RBFOX1: variants seen among roughly 807,000 people sequenced by gnomAD.
RBFOX1 encodes RNA binding fox-1 homolog 1, also known as RNA binding protein fox-1 homolog 1.
RBFOX1 carries 8 observed loss-of-function variants against 57.7 expected under a neutral mutation model. The ratio of observed to expected loss-of-function variants is 0.14; its 90% CI spans 0.08 to 0.25. The LOEUF (loss-of-function observed/expected upper bound fraction) is 0.25, where lower values mean the gene tolerates loss of function less well. Ranked by LOEUF, RBFOX1 falls within the 10% of genes least tolerant of loss-of-function variation. The probability of loss-of-function intolerance (pLI) is 1.00; values close to 1 mark genes in which losing one functional copy is unlikely to be tolerated. For synonymous variants in RBFOX1, 326 were observed against 222.4 expected (o/e 1.47, Z -4.15); for missense variants, 611 against 548.5 (o/e 1.11, Z -1.14).
chr16:6,864,218 C>A (rs1021880562), intron 3 of RBFOX1, among the ~76,000 whole-genome samples: 1 of 152,078 alleles, frequency 6.6e-6, no homozygotes, highest in Non-Finnish European at 1.5e-5. Flanking sequence ...TTCTATGTCA[C>A]TGTATTCCTA....
intron 4 of RBFOX1, among the ~76,000 whole-genome samples, chr16:7,144,323 A>T (rs570368725): frequency 6.6e-6 from 1 of 151,836 alleles, no homozygotes; most frequent in South Asian, 2.1e-4. Flanking sequence ...TTGTACCGTC[A>T]CTTTAGGGTT....
chr16:5,548,225 G>A (rs1250820043), intron 2 of RBFOX1, among the ~76,000 whole-genome samples: 18 of 136,098 alleles, frequency 1.3e-4, no homozygotes, highest in Non-Finnish European at 6.4e-5. Context: ...GACTACTGGT[G>A]GGGGAGAAAG....
intron 4 of RBFOX1, among the ~76,000 whole-genome samples, chr16:5,996,605 G>A (rs1413042381): frequency 6.6e-6 from 1 of 152,046 alleles, no homozygotes; most frequent in African/African-American, 2.4e-5. Context: ...AATCACAAGG[G>A]CTAATTCTGT....
intron 3 of RBFOX1, among the ~76,000 whole-genome samples, chr16:6,747,681 G>C (rs2074036490): frequency 6.6e-6 from 1 of 152,114 alleles, no homozygotes; most frequent in Non-Finnish European, 1.5e-5. Flanking sequence ...ATGTCCTTCT[G>C]ATTGCTGCCT....
intron 14 of RBFOX1, chr16:7,693,416 CTT>C (rs60812796): frequency 9.2e-3 from 7,096 of 773,102 alleles, no homozygotes; most frequent in South Asian, 0.011. Flanking sequence ...TCTCAGTATC[CTT>C]TTTTTTTTTT....
intron 3 of RBFOX1, among the ~76,000 whole-genome samples, chr16:6,815,084 A>T (rs1041122711): frequency 6.6e-6 from 1 of 152,120 alleles, no homozygotes; most frequent in Non-Finnish European, 1.5e-5. Context: ...CAATGACTAG[A>T]ACTGAGGGTT....
intron 1 of RBFOX1, among the ~76,000 whole-genome samples, chr16:5,401,157 A>G (rs2066703222): frequency 6.6e-6 from 1 of 152,150 alleles, no homozygotes; most frequent in Non-Finnish European, 1.5e-5. Flanking sequence ...CTCTATCTTA[A>G]TATTGGCTAA....
chr16:7,176,823 T>G (rs2081758213), intron 4 of RBFOX1, among the ~76,000 whole-genome samples: 1 of 152,128 alleles, frequency 6.6e-6, no homozygotes, highest in Non-Finnish European at 1.5e-5. Context: ...ACATCTGTGG[T>G]AATAAATGTA....
intron 4 of RBFOX1, among the ~76,000 whole-genome samples, chr16:7,428,988 C>T (rs1440441401): frequency 2.6e-5 from 4 of 152,132 alleles, no homozygotes; most frequent in African/African-American, 4.8e-5. Flanking sequence ...TATCAACAGA[C>T]AGGAGGATTT....
At chr16:7,399,714 G>C (rs1186563738) in intron 4 of RBFOX1, among the ~76,000 whole-genome samples, 1 of 133,994 alleles carries the variant, frequency 7.5e-6, no homozygotes, top group African/African-American at 2.8e-5. Context: ...GCTCACTTAA[G>C]TTTAAGATGA....
chr16:6,823,110 A>G (rs537148208), intron 3 of RBFOX1, among the ~76,000 whole-genome samples: 2 of 152,300 alleles, frequency 1.3e-5, no homozygotes, highest in East Asian at 3.9e-4. Flanking sequence ...TCAGAGGGTC[A>G]TAGCCATTTT....
At chr16:6,361,303 C>T (rs575749572) in intron 2 of RBFOX1, among the ~76,000 whole-genome samples, 1 of 152,198 alleles carries the variant, frequency 6.6e-6, no homozygotes, top group Admixed American at 6.5e-5. Context: ...GAACTTTAGA[C>T]ACCAGGAACA....
chr16:7,296,403 G>T (rs1273124876), intron 4 of RBFOX1, among the ~76,000 whole-genome samples: 1 of 151,822 alleles, frequency 6.6e-6, no homozygotes, highest in South Asian at 2.1e-4. Flanking sequence ...TAATTTTCAT[G>T]CAGTCTCTTT....
At chr16:7,051,670 A>G (rs1454234879) in intron 3 of RBFOX1, among the ~76,000 whole-genome samples, 2 of 152,200 alleles carry the variant, frequency 1.3e-5, no homozygotes, top group Non-Finnish European at 2.9e-5. Flanking sequence ...CTGACTTATC[A>G]TGACCATCTG....
chr16:5,319,757 C>T (rs1464774960), intron 1 of RBFOX1, among the ~76,000 whole-genome samples: 1 of 152,134 alleles, frequency 6.6e-6, no homozygotes, highest in Non-Finnish European at 1.5e-5. Flanking sequence ...GTTTGTTGTC[C>T]ACAAGACAGT....
intron 3 of RBFOX1, among the ~76,000 whole-genome samples, chr16:6,911,189 T>C: frequency 1.0e-5 from 1 of 98,242 alleles, no homozygotes; most frequent in East Asian, 3.5e-4. Flanking sequence ...GCAACAAGAG[T>C]AAAATTGTGT....
At chr16:7,565,900 G>A (rs758834547) in intron 5 of RBFOX1, among the ~76,000 whole-genome samples, 1 of 152,118 alleles carries the variant, frequency 6.6e-6, no homozygotes, top group African/African-American at 2.4e-5. Flanking sequence ...CGTGTCTTGG[G>A]TGCTGGGTTT....
chr16:5,607,156 G>A (rs771749390), intron 3 of RBFOX1, among the ~76,000 whole-genome samples: 1 of 152,178 alleles, frequency 6.6e-6, no homozygotes, highest in Non-Finnish European at 1.5e-5. Flanking sequence ...TCCTGGGCAC[G>A]CTCTACTTCT....
intron 14 of RBFOX1, among the ~76,000 whole-genome samples, chr16:7,685,594 G>T (rs2075894741): frequency 6.6e-6 from 1 of 152,088 alleles, no homozygotes; most frequent in African/African-American, 2.4e-5. Flanking sequence ...TAAACTGAAA[G>T]AGGTGGTGCA....
Sources: gnomAD v4.1 joint callset for allele counts (sites outside exome capture counted in the v4.1 genomes callset) on GRCh38, gnomAD v4.1.1 for gene constraint, MANE v1.5 for transcripts, NCBI Gene and HGNC (gene_info 2026-07-23, HGNC 2026-07-21) for gene names.